Variants in FIGNL1 observed in about 807,000 individuals in gnomAD.
FIGNL1 encodes the protein fidgetin like 1, also known as fidgetin-like protein 1.
In FIGNL1, 11 loss-of-function variants were observed where a neutral mutation model predicts 28.9. That is an observed-to-expected ratio of 0.38 (90% CI 0.24 to 0.63). The LOEUF is 0.63. Among genes scored for constraint, FIGNL1 ranks in the 20% least tolerant of loss-of-function variants. The pLI is 0.57. For missense variants in FIGNL1, 789 were observed against 810.4 expected, an observed-to-expected ratio of 0.97 and a Z score of 0.32; for synonymous variants, 295 against 276.5, an observed-to-expected ratio of 1.07 and a Z score of -0.66.
rs1585089716 is a variant in FIGNL1 at position 50,445,224 on chromosome 7, G to C, written c.*39C>G. On this transcript the variant is annotated 3_prime_UTR_variant, in exon 4 of 4. Transcript: ENST00000433017. ...ACTTTCTATGCTAAAAAATAAAGAA[G>C]ACTGTACTACAGAGATGCCTTGATT... 2 of 1,251,802 alleles carry C rather than the reference G, an allele frequency of 1.6e-6. No individual in the cohort carries two copies. Among genetic ancestry groups the C allele is most frequent in the Non-Finnish European group, 2.2e-6 (2 of 917,766 alleles). 77.5% of individuals were successfully genotyped at this position (1,251,802 alleles called of 1,614,324 possible).
chr7:50,446,882 A>G lies in FIGNL1; in HGVS notation c.406T>C (p.Ser136Pro), dbSNP rs1821007073. 1.9e-6 allele frequency: 3 copies of G among 1,614,206 alleles called. No homozygotes were observed. Among genetic ancestry groups the G allele is most frequent in the Non-Finnish European group, 2.5e-6 (3 of 1,180,030 alleles). ...KDSLLEPALA[S>P]VVIHKEATVF... ...GTGGCCTCCTTATGGATTACCACTGATGCAAGAGCAGGTTCCAACAGAGAG... is the reference window on the plus strand; with the variant it reads ...GTGGCCTCCTTATGGATTACCACTGGTGCAAGAGCAGGTTCCAACAGAGAG... Residue 136 changes from serine (S) to proline (P), a missense_variant, in exon 4 of 4, where the codon TCA becomes CCA. Coordinates refer to ENST00000433017, the MANE Select transcript of FIGNL1 (RefSeq NM_001287492.4).
Position 50,447,173 on chromosome 7 carries a change from A to C in FIGNL1, c.115T>G (p.Leu39Val), listed in dbSNP as rs753434409. 2 of 1,614,106 alleles carry C rather than the reference A, an allele frequency of 1.2e-6. No individual in the cohort carries two copies. The highest frequency in any genetic ancestry group is 1.7e-5 in the Admixed American group (1 of 60,012). The change falls in exon 4 of 4, where the codon TTA (leucine) becomes GTA (valine). Residue 39 changes from leucine to valine, a missense_variant. Physicochemically the swap from Leu to Val is conservative, Grantham distance 32. Coordinates refer to ENST00000433017, the MANE Select transcript of FIGNL1 (RefSeq NM_001287492.4). Reference protein sequence around the residue: ...PKADAYRAQILRIQYAWANSE... With the variant: ...PKADAYRAQIVRIQYAWANSE... ...TTTGCCCATGCATACTGAATGCGTA[A>C]TATCTGTGCACGGTATGCATCTGCC...
At position 50,448,561 on chromosome 7, in the gene FIGNL1, T is replaced by C. The variant is rs1172896241; in HGVS notation, c.-119-272A>G. The C allele has an allele frequency of 3.3e-5, 5 of 152,378 alleles. No individual in the cohort carries two copies. In the South Asian group the frequency reaches 1.0e-3, roughly 32 times the overall value. The allele number at this position is 152,378 out of a possible 1,614,324, so 9.4% of individuals were successfully genotyped here. ...ACATTGTTACCTTTAAACAGAACTA[T>C]AGATGTATCATATTGCTAGATATAT... is the stretch of plus-strand genomic sequence containing the variant. On this transcript the variant is annotated intron_variant, in intron 2 of 3. Transcript: ENST00000433017.
chr7:50,448,565 T>G (rs987495494), intron 2 of FIGNL1: 1 of 152,246 alleles, frequency 6.6e-6, no homozygotes, highest in Non-Finnish European at 1.5e-5. Flanking sequence ...GAACTATAGA[T>G]GTATCATATT....
At position 50,445,969 on chromosome 7, in the gene FIGNL1, A is replaced by C. The variant is rs764605600; in HGVS notation, c.1319T>G (p.Phe440Cys). 3.1e-6 allele frequency: 5 copies of C among 1,614,048 alleles called. No homozygotes were observed. Among genetic ancestry groups the C allele is most frequent in the Non-Finnish European group, 4.2e-6 (5 of 1,180,036 alleles). Residue 440 changes from phenylalanine to cysteine, a missense_variant, in exon 4 of 4, where the codon TTT becomes TGT. Phe to Cys is a radical substitution (Grantham distance 205, BLOSUM62 -2). Transcript: ENST00000433017. ...LRGPPKGILLFGPPGTGKTLI... is the reference protein window; with the variant it reads ...LRGPPKGILLCGPPGTGKTLI... ...AGTTTTACCAGTCCCAGGAGGACCA[A>C]AGAGCAAAATTCCTTTAGGGGGTCC...
Position 50,446,767 on chromosome 7 carries a change from TG to T in FIGNL1, c.520del (p.Gln174LysfsTer9). The T allele has an allele frequency of 6.2e-7, 1 of 1,614,188 alleles. No homozygotes were observed. On this transcript the variant is annotated frameshift_variant, in exon 4 of 4. Coordinates refer to ENST00000433017, the MANE Select transcript of FIGNL1 (RefSeq NM_001287492.4). LOFTEE classifies it low-confidence loss of function (END_TRUNC). ...CAAACGATTGCTCTCCGGGAAGTCTTGGGTCCGGTCTCGATCATGAGCTGAG... is the reference window on the plus strand; with the variant it reads ...CAAACGATTGCTCTCCGGGAAGTCTTGGTCCGGTCTCGATCATGAGCTGAG... ...PNSAHDRDRT[Q>X]DFPESNRLKL...
chr7:50,446,089 C>G lies in FIGNL1; in HGVS notation c.1199G>C (p.Trp400Ser), dbSNP rs1820724902. 6.2e-7 allele frequency: 1 copy of G among 1,614,046 alleles called. No individual in the cohort carries two copies. Among genetic ancestry groups the G allele is most frequent in the Non-Finnish European group, 8.5e-7 (1 of 1,180,024 alleles). ...AAATTCTACTCCTGCAATATCTTCC[C>G]AATTTACTGGAGGTCCATGATCCAT... ...EIMDHGPPVN[W>S]EDIAGVEFAK... Residue 400 changes from tryptophan (W) to serine (S), a missense_variant, in exon 4 of 4, where the codon TGG becomes TCG. Physicochemically the swap from Trp to Ser is radical, Grantham distance 177 (BLOSUM62 -3). Transcript: ENST00000433017.
In FIGNL1 at chr7:50,446,379, C is replaced by A. The variant is rs1475258920; in HGVS notation, c.909G>T (p.Trp303Cys). The A allele has an allele frequency of 3.7e-6, 6 of 1,614,042 alleles. No homozygotes were observed. The East Asian group carries it at 8.9e-5, about 24-fold the overall frequency. ...GGTGGTACTTTTTTTGCTGATCTAC[C>A]CATAATTGTTCTTTTGCAGTTTTAA... ...PTFKTAKEQLWVDQQKKYHQP... is the reference protein window; with the variant it reads ...PTFKTAKEQLCVDQQKKYHQP... The change falls in exon 4 of 4, where the codon TGG (tryptophan) becomes TGT (cysteine). Residue 303 changes from tryptophan (W) to cysteine (C), a missense_variant. Coordinates refer to ENST00000433017, the MANE Select transcript of FIGNL1 (RefSeq NM_001287492.4).
Position 50,446,007 on chromosome 7 carries a change from A to C in FIGNL1, c.1281T>G (p.Phe427Leu). The C allele has an allele frequency of 6.2e-7, 1 of 1,614,202 alleles. No homozygotes were observed. ...VVWPMLRPDIFTGLRGPPKGI... is the reference protein window; with the variant it reads ...VVWPMLRPDILTGLRGPPKGI... Reference sequence around the variant, plus strand: ...CTTTAGGGGGTCCCCTTAAACCAGTAAAGATGTCTGGCCTCAACATGGGCC... The same window carrying C: ...CTTTAGGGGGTCCCCTTAAACCAGTCAAGATGTCTGGCCTCAACATGGGCC... Residue 427 changes from phenylalanine (F) to leucine (L), a missense_variant, in exon 4 of 4, where the codon TTT becomes TTG. By Grantham distance (22) the Phe-to-Leu change is conservative. Coordinates refer to ENST00000433017, the MANE Select transcript of FIGNL1 (RefSeq NM_001287492.4).
rs187171531 is a variant in FIGNL1, at chr7:50,444,299, T to C, written c.*964A>G. The C allele has an allele frequency of 6.6e-6, 1 of 152,192 alleles. No individual in the cohort carries two copies. The highest frequency in any genetic ancestry group is 2.4e-5 in the African/African-American group (1 of 41,436). The allele number at this position is 152,192 out of a possible 1,614,324, so 9.4% of individuals were successfully genotyped here. A position where few individuals can be genotyped will look rare whatever the true frequency, so the allele number is the denominator to read the frequency against. On this transcript the variant is annotated 3_prime_UTR_variant, in exon 4 of 4. Coordinates refer to ENST00000433017, the MANE Select transcript of FIGNL1 (RefSeq NM_001287492.4). Reference sequence around the variant, plus strand: ...TACCAGATGACTCAATTATATTCCATCCATCCATGGAATCCTAGACAATCA... The same window carrying C: ...TACCAGATGACTCAATTATATTCCACCCATCCATGGAATCCTAGACAATCA...
chr7:50,445,934 T>C lies in FIGNL1; in HGVS notation c.1354A>G (p.Lys452Glu). 1 of 1,614,144 alleles carries C rather than the reference T, an allele frequency of 6.2e-7. No homozygotes were observed. The highest frequency in any genetic ancestry group is 1.1e-5 in the South Asian group (1 of 91,084). Reference protein sequence around the residue: ...PPGTGKTLIGKCIASQSGATF... With the variant: ...PPGTGKTLIGECIASQSGATF... ...GCCCCAGACTGACTAGCAATGCACT[T>C]GCCAATTAGAGTTTTACCAGTCCCA... The change falls in exon 4 of 4, where the codon AAG becomes GAG. Residue 452 changes from lysine to glutamate, a missense_variant. Transcript: ENST00000433017.
At chr7:50,449,928 C>G (rs1435209678) in intron 1 of FIGNL1, 2 of 152,324 alleles carry the variant, frequency 1.3e-5, no homozygotes, top group African/African-American at 4.8e-5. Flanking sequence ...CTGACTGACC[C>G]CCGCTGTGGG....
Position 50,444,530 on chromosome 7 carries a change from G to A in FIGNL1, c.*733C>T, listed in dbSNP as rs1228839800. On this transcript the variant is annotated 3_prime_UTR_variant, in exon 4 of 4. Coordinates refer to ENST00000433017, the MANE Select transcript of FIGNL1 (RefSeq NM_001287492.4). Reference sequence around the variant, plus strand: ...CTTATCTCTATTTTCTCATGTTTCTGTAATGAACATGTTTCATAAAACAAA... The same window carrying A: ...CTTATCTCTATTTTCTCATGTTTCTATAATGAACATGTTTCATAAAACAAA... The A allele has an allele frequency of 6.6e-6, 1 of 152,114 alleles. No individual in the cohort carries two copies. Among genetic ancestry groups the A allele is most frequent in the Non-Finnish European group, 1.5e-5 (1 of 68,018 alleles). 9.4% of individuals were successfully genotyped at this position (152,114 alleles called of 1,614,324 possible).
Position 50,445,989 on chromosome 7 carries a change from G to A in FIGNL1, c.1299C>T (p.Pro433=), listed in dbSNP as rs370199035. 3.1e-6 allele frequency: 5 copies of A among 1,614,018 alleles called. No homozygotes were observed. In the African/African-American group the frequency reaches 4.0e-5, roughly 13 times the overall value. Residue 433 remains proline, a synonymous_variant, in exon 4 of 4, where the codon CCC becomes CCT. Coordinates refer to ENST00000433017, the MANE Select transcript of FIGNL1 (RefSeq NM_001287492.4). Reference sequence around the variant, plus strand: ...GACCAAAGAGCAAAATTCCTTTAGGGGGTCCCCTTAAACCAGTAAAGATGT... The same window carrying A: ...GACCAAAGAGCAAAATTCCTTTAGGAGGTCCCCTTAAACCAGTAAAGATGT... ...RPDIFTGLRG[P]PKGILLFGPP...
chr7:50,445,840 C>T lies in FIGNL1; in HGVS notation c.1448G>A (p.Arg483His), dbSNP rs764517812. The T allele has an allele frequency of 3.6e-5, 58 of 1,614,048 alleles. No individual in the cohort carries two copies. The highest frequency in any genetic ancestry group is 3.3e-4 in the Middle Eastern group (2 of 6,084). The change falls in exon 4 of 4, where the codon CGT (arginine) becomes CAT (histidine). Residue 483 changes from arginine to histidine, a missense_variant. Coordinates refer to ENST00000433017, the MANE Select transcript of FIGNL1 (RefSeq NM_001287492.4). ...ACACCTTGCAACAGCAAACAATGCACGGACCATTTTCTCCCCCTCACCTAC... is the reference window on the plus strand; with the variant it reads ...ACACCTTGCAACAGCAAACAATGCATGGACCATTTTCTCCCCCTCACCTAC... ...KWVGEGEKMV[R>H]ALFAVARCQQ... is the part of the protein sequence containing the mutation.
rs930559857 is a variant in FIGNL1, at chr7:50,449,616, T to G, written c.-618A>C. ...TCTGTTCTTGATGCAAAACGGGAGT[T>G]AAGAGCACAGGGTCTGGAGCCAGGC... On this transcript the variant is annotated 5_prime_UTR_variant, in exon 2 of 4. Coordinates refer to ENST00000433017, the MANE Select transcript of FIGNL1 (RefSeq NM_001287492.4). 1.3e-5 allele frequency: 2 copies of G among 152,214 alleles called. No homozygotes were observed. Among genetic ancestry groups the G allele is most frequent in the Non-Finnish European group, 2.9e-5 (2 of 68,042 alleles). 9.4% of individuals were successfully genotyped at this position (152,214 alleles called of 1,614,324 possible). A position where few individuals can be genotyped will look rare whatever the true frequency, so the allele number is the denominator to read the frequency against.
At position 50,444,558 on chromosome 7, in the gene FIGNL1, G is replaced by A. The variant is rs1336875877; in HGVS notation, c.*705C>T. The stretch of plus-strand genomic sequence containing the variant: ...ATGAACATGTTTCATAAAACAAAAT[G>A]GGTCTGTTATAAAAATCTGAAAACT... On this transcript the variant is annotated 3_prime_UTR_variant, in exon 4 of 4. Transcript: ENST00000433017. The A allele has an allele frequency of 6.6e-6, 1 of 152,110 alleles. No homozygotes were observed. Among genetic ancestry groups the A allele is most frequent in the East Asian group, 1.9e-4 (1 of 5,194 alleles). 9.4% of individuals were successfully genotyped at this position (152,110 alleles called of 1,614,324 possible).
chr7:50,447,338 A>G lies in FIGNL1; in HGVS notation c.-10-41T>C, dbSNP rs756190747. The G allele has an allele frequency of 9.4e-6, 13 of 1,378,870 alleles. No individual in the cohort carries two copies. In the East Asian group the frequency reaches 3.1e-4, roughly 33 times the overall value. The allele number at this position is 1,378,870 out of a possible 1,614,324, so 85.4% of individuals were successfully genotyped here. ...AAAATGAAAATCAGTATGAAGGAAA[A>G]CAAAGAAAATACTTTAAATGTAATT... On this transcript the variant is annotated intron_variant, in intron 3 of 3. Transcript: ENST00000433017.
chr7:50,446,180 G>A lies in FIGNL1; in HGVS notation c.1108C>T (p.His370Tyr), dbSNP rs748283593. 8.7e-6 allele frequency: 14 copies of A among 1,614,094 alleles called. No individual in the cohort carries two copies. The African/African-American group carries it at 9.3e-5, about 11-fold the overall frequency. ...PYGAGPTEPA[H>Y]PVDERLKNLE... ...TTCTTCAGACGCTCATCAACTGGAT[G>A]TGCTGGTTCTGTAGGTCCTGCCCCA... The change falls in exon 4 of 4, where the codon CAT becomes TAT. Residue 370 changes from histidine to tyrosine, a missense_variant. By Grantham distance (83) the His-to-Tyr change is moderately conservative (BLOSUM62 2). Coordinates refer to ENST00000433017, the MANE Select transcript of FIGNL1 (RefSeq NM_001287492.4).
Sources: gnomAD v4.1 joint callset for allele counts on GRCh38, gnomAD v4.1.1 for gene constraint, MANE v1.5 for transcripts, NCBI Gene and HGNC (gene_info 2026-07-23, HGNC 2026-07-21) for gene names.